The following C1orf94 variants were observed in gnomAD, a reference collection of about 807,000 sequenced individuals.
C1orf94 encodes the protein uncharacterized protein C1orf94.
In C1orf94, 45 loss-of-function variants were observed where a neutral mutation model predicts 53.6. That is an observed-to-expected ratio of 0.84 (90% CI 0.66 to 1.08). The LOEUF is 1.08. Among genes scored for constraint, C1orf94 ranks in the 50% least tolerant of loss-of-function variants. The pLI is 0.00. For missense variants in C1orf94, 762 were observed against 738.9 expected (o/e 1.03, Z -0.36); for synonymous variants, 304 against 296.1 (o/e 1.03, Z -0.27).
At chr1:34,186,854 C>A (rs1642391994) in intron 1 of C1orf94, among the ~76,000 whole-genome samples, 1 of 152,212 alleles carries the variant, frequency 6.6e-6, no homozygotes, top group African/African-American at 2.4e-5. Flanking sequence ...GCACTATGGG[C>A]TTCTTAAGGG....
intron 1 of C1orf94, among the ~76,000 whole-genome samples, chr1:34,186,622 G>C (rs1394876293): frequency 6.6e-6 from 1 of 152,204 alleles, no homozygotes; most frequent in African/African-American, 2.4e-5. Flanking sequence ...AGAGACAAAT[G>C]CTTCCCCAGC....
intron 4 of C1orf94, among the ~76,000 whole-genome samples, chr1:34,204,396 C>T (rs1571347441): frequency 6.6e-6 from 1 of 152,178 alleles, no homozygotes; most frequent in East Asian, 1.9e-4. Context: ...AGCTCACACC[C>T]CATTGTGGAG....
At position 34,202,115 on chromosome 1, in the gene C1orf94, C is replaced by A. The variant is rs1642717820; in HGVS notation, c.1302C>A (p.Asn434Lys). 1.2e-6 allele frequency: 2 copies of A among 1,614,116 alleles called. No individual in the cohort carries two copies. Among genetic ancestry groups the A allele is most frequent in the Non-Finnish European group, 1.7e-6 (2 of 1,180,002 alleles). ...FNAPVTVADKNNPKYTGNVFT... is the reference protein window; with the variant it reads ...FNAPVTVADKKNPKYTGNVFT... The stretch of plus-strand genomic sequence containing the variant: ...CACCTGTGACGGTTGCTGACAAGAA[C>A]AACCCGAAGTACACAGGGAATGTTT... The change falls in exon 4 of 7, where the codon AAC becomes AAA. Residue 434 changes from asparagine to lysine, a missense_variant. Physicochemically the swap from Asn to Lys is moderately conservative, Grantham distance 94 (BLOSUM62 0). Coordinates refer to ENST00000488417, the MANE Select transcript of C1orf94 (RefSeq NM_001134734.2).
At chr1:34,168,136 G>C (rs1435756734) in intron 1 of C1orf94, among the ~76,000 whole-genome samples, 1 of 152,176 alleles carries the variant, frequency 6.6e-6, no homozygotes, top group African/African-American at 2.4e-5. Context: ...GATGGCAACG[G>C]TGGAAGATGG....
Position 34,202,262 on chromosome 1 carries a change from C to A in C1orf94, c.1446+3C>A, listed in dbSNP as rs12746310. The A allele has an allele frequency of 0.21, 342,175 of 1,613,450 alleles. 38,091 individuals carry two copies. Among genetic ancestry groups the A allele is most frequent in the Middle Eastern group, 0.24 (1,455 of 6,062 alleles). On this transcript the variant is annotated splice_donor_region_variant and intron_variant, in intron 4 of 6. Coordinates refer to ENST00000488417, the MANE Select transcript of C1orf94 (RefSeq NM_001134734.2). ...ACTCTACCTTCTTGCAGTATCAGGTCAGTGAGCTGGCCTGGCTCTCCTGTG... is the reference window on the plus strand; with the variant it reads ...ACTCTACCTTCTTGCAGTATCAGGTAAGTGAGCTGGCCTGGCTCTCCTGTG...
At position 34,200,790 on chromosome 1, in the gene C1orf94, A is replaced by C. The variant is rs1383159407; in HGVS notation, c.1028A>C (p.Lys343Thr). Residue 343 changes from lysine to threonine, a missense_variant, in exon 3 of 7, where the codon AAG becomes ACG. Transcript: ENST00000488417. ...HHLMEWSPGT[K>T]EPKKGQGSLF... Reference sequence around the variant, plus strand: ...GCTACAGAATGGAGCCCTGGCACCAAGGAGCCAAAAAAGGGTCAAGGGAGC... The same window carrying C: ...GCTACAGAATGGAGCCCTGGCACCACGGAGCCAAAAAAGGGTCAAGGGAGC... 1.9e-6 allele frequency: 3 copies of C among 1,614,146 alleles called. No individual in the cohort carries two copies. Among genetic ancestry groups the C allele is most frequent in the East Asian group, 4.5e-5 (2 of 44,886 alleles).
chr1:34,218,740 T>C lies in C1orf94; in HGVS notation c.1776T>C (p.Ser592=), dbSNP rs1557493248. 3.1e-6 allele frequency: 5 copies of C among 1,612,786 alleles called. No homozygotes were observed. Among genetic ancestry groups the C allele is most frequent in the Non-Finnish European group, 4.2e-6 (5 of 1,179,180 alleles). Residue 592 remains serine, a synonymous_variant, in exon 7 of 7, where the codon AGT becomes AGC. Coordinates refer to ENST00000488417, the MANE Select transcript of C1orf94 (RefSeq NM_001134734.2). ...PLMHSPYFSS[S]GNGINF ...TGCACAGCCCCTATTTTTCTTCCAG[T>C]GGGAATGGCATAAACTTTTAGATCT...
intron 5 of C1orf94, among the ~76,000 whole-genome samples, chr1:34,209,207 T>A (rs1247842787): frequency 6.6e-6 from 1 of 151,884 alleles, no homozygotes; most frequent in Non-Finnish European, 1.5e-5. Flanking sequence ...GGTACTCCAA[T>A]GACCATGCTT....
At chr1:34,195,874 C>A (rs767108863) in intron 1 of C1orf94, among the ~76,000 whole-genome samples, 1 of 151,764 alleles carries the variant, frequency 6.6e-6, no homozygotes, top group Non-Finnish European at 1.5e-5. Flanking sequence ...CCATGGTCAC[C>A]GTTTTGGAGA....
intron 4 of C1orf94, among the ~76,000 whole-genome samples, chr1:34,206,741 T>A (rs1264674249): frequency 6.6e-6 from 1 of 152,114 alleles, no homozygotes; most frequent in Non-Finnish European, 1.5e-5. Flanking sequence ...CTGTCCAGGT[T>A]CAGGCAGAGG....
chr1:34,193,249 T>C (rs1571341921), intron 1 of C1orf94, among the ~76,000 whole-genome samples: 1 of 152,238 alleles, frequency 6.6e-6, no homozygotes, highest in Admixed American at 6.5e-5. Context: ...AGGATTACTG[T>C]CAGGCTGGGA....
chr1:34,181,485 ATTCATT>A (rs1486900379), intron 1 of C1orf94, among the ~76,000 whole-genome samples: 1 of 152,202 alleles, frequency 6.6e-6, no homozygotes, highest in East Asian at 1.9e-4. Flanking sequence ...CTCTTAATTC[ATTCATT>A]CAATTATTCA....
chr1:34,216,151 T>C (rs1426852797), intron 6 of C1orf94, among the ~76,000 whole-genome samples: 1 of 152,142 alleles, frequency 6.6e-6, no homozygotes, highest in Non-Finnish European at 1.5e-5. Context: ...GGTGGAGCTA[T>C]GGATAGGTAG....
chr1:34,198,318 G>A (rs1642638373), intron 2 of C1orf94, among the ~76,000 whole-genome samples: 1 of 152,210 alleles, frequency 6.6e-6, no homozygotes, highest in Admixed American at 6.5e-5. Context: ...TGGTAGCTGG[G>A]GTCATTTGGC....
At chr1:34,206,678 G>C (rs1329680438) in intron 4 of C1orf94, among the ~76,000 whole-genome samples, 1 of 152,256 alleles carries the variant, frequency 6.6e-6, no homozygotes, top group Admixed American at 6.5e-5. Flanking sequence ...TAGTGGCCTT[G>C]GAGCTCATGG....
chr1:34,196,775 T>C (rs1413034100), intron 1 of C1orf94, among the ~76,000 whole-genome samples: 1 of 152,156 alleles, frequency 6.6e-6, no homozygotes, highest in Admixed American at 6.5e-5. Flanking sequence ...GCTACTCTCC[T>C]GGGGGCTTCC....
intron 1 of C1orf94, among the ~76,000 whole-genome samples, chr1:34,196,535 G>A (rs535034658): frequency 6.6e-6 from 1 of 152,262 alleles, no homozygotes; most frequent in African/African-American, 2.4e-5. Context: ...ACCAACTAAG[G>A]CTGACAGTGG....
chr1:34,206,518 A>C (rs1212345891), intron 4 of C1orf94, among the ~76,000 whole-genome samples: 6 of 152,228 alleles, frequency 3.9e-5, no homozygotes, highest in African/African-American at 1.4e-4. Context: ...CACACACACA[A>C]TTGCACACAA....
chr1:34,193,253 G>C (rs2618778), intron 1 of C1orf94, among the ~76,000 whole-genome samples: 1 of 152,048 alleles, frequency 6.6e-6, no homozygotes, highest in South Asian at 2.1e-4. Flanking sequence ...TTACTGTCAG[G>C]CTGGGAGGAG....
Sources: gnomAD v4.1 joint callset for allele counts (sites outside exome capture counted in the v4.1 genomes callset) on GRCh38, gnomAD v4.1.1 for gene constraint, MANE v1.5 for transcripts, NCBI Gene and HGNC (gene_info 2026-07-23, HGNC 2026-07-21) for gene names.